Variants in ATP2B3 observed in about 807,000 individuals in gnomAD.
The protein encoded by ATP2B3 is plasma membrane calcium-transporting ATPase 3.
In ATP2B3, 12 loss-of-function variants were observed where a neutral mutation model predicts 70.8. The ratio of observed to expected loss-of-function variants is 0.17; its 90% CI spans 0.11 to 0.27. The LOEUF is 0.27. Ranked by LOEUF, ATP2B3 falls within the 10% of genes least tolerant of loss-of-function variation. ATP2B3 has a pLI of 1.00. For missense variants in ATP2B3, 858 were observed against 1,118.5 expected, an observed-to-expected ratio of 0.77 and a Z score of 3.32; for synonymous variants, 460 against 497.8, an observed-to-expected ratio of 0.92 and a Z score of 1.01.
At chrX:153,544,271 C>T (rs1557007902) in intron 7 of ATP2B3, among the ~76,000 whole-genome samples, 3 of 112,405 alleles carry the variant, frequency 2.7e-5, no homozygotes, top group Non-Finnish European at 5.6e-5. Flanking sequence ...CCTGCCTGGG[C>T]TGCCTCCTCA....
At position 153,545,499 on chromosome X, in the gene ATP2B3, C is replaced by T. The variant is rs191957754; in HGVS notation, c.917-589C>T. ...CAGCCTGGCCAACATGGCGAAACCC[C>T]GTCTCTATTAAAAGTACAAAAATTA... On this transcript the variant is annotated intron_variant, in intron 7 of 21. Coordinates refer to ENST00000263519, the MANE Select transcript of ATP2B3 (RefSeq NM_001001344.3). Among the ~76,000 whole-genome samples the T allele has an allele frequency of 5.2e-3, 582 of 112,897 alleles. 1 individual carries two copies. Among genetic ancestry groups the T allele is most frequent in the African/African-American group, 0.017 (537 of 31,118 alleles).
chrX:153,573,430 C>T (rs782078778), intron 21 of ATP2B3, among the ~76,000 whole-genome samples: 10 of 112,536 alleles, frequency 8.9e-5, no homozygotes, highest in African/African-American at 2.3e-4. Flanking sequence ...TTTCTGGGAA[C>T]GGTGTATTGG....
At position 153,541,979 on chromosome X, in the gene ATP2B3, T is replaced by C. The variant is rs782817436; in HGVS notation, c.664+53T>C. On this transcript the variant is annotated intron_variant, in intron 5 of 21. Transcript: ENST00000263519. ...GTCAAGGAAGCTCGGCTCCTGCTTC[T>C]GGGGAGGGTGAGCCAGAGGAGACCC... The C allele has an allele frequency of 2.0e-4, 229 of 1,168,015 alleles. 1 individual carries two copies. In the South Asian group the frequency reaches 3.1e-3, roughly 16 times the overall value.
intron 3 of ATP2B3, 95 bp downstream of exon 3, chrX:153,536,550 C>A: frequency 1.0e-6 from 1 of 958,637 alleles, no homozygotes; most frequent in South Asian, 2.1e-5. Context: ...TGGCCAGGGT[C>A]AAGGGCCACC....
chrX:153,523,309 A>T (rs1207582177), intron 2 of ATP2B3, among the ~76,000 whole-genome samples: 1 of 112,669 alleles, frequency 8.9e-6, no homozygotes, highest in East Asian at 2.8e-4. Flanking sequence ...CAGTAATTAC[A>T]ATTTTTAATG....
At chrX:153,524,449 C>T (rs782477281) in intron 2 of ATP2B3, among the ~76,000 whole-genome samples, 107 of 111,913 alleles carry the variant, frequency 9.6e-4, no homozygotes, top group Non-Finnish European at 1.7e-3. Context: ...GGGGGTGAGG[C>T]TGTGTCCCAA....
chrX:153,536,676 T>G (rs1187610034), intron 3 of ATP2B3, among the ~76,000 whole-genome samples: 1 of 111,856 alleles, frequency 8.9e-6, no homozygotes, highest in Admixed American at 9.4e-5. Context: ...AGAGCGAGAC[T>G]GGGGAGGGGG....
At chrX:153,566,926 TA>T (rs2124521063) in intron 21 of ATP2B3, among the ~76,000 whole-genome samples, 1 of 112,057 alleles carries the variant, frequency 8.9e-6, no homozygotes, top group South Asian at 3.7e-4. Flanking sequence ...CACGCAGGGC[TA>T]GGTCAAGGGG....
chrX:153,566,274 A>G (rs2090706068), intron 21 of ATP2B3, among the ~76,000 whole-genome samples: 1 of 112,408 alleles, frequency 8.9e-6, no homozygotes, highest in Admixed American at 9.3e-5. Context: ...ACATGGAGCG[A>G]CTGACCCTCC....
chrX:153,541,164 C>T (rs2090273381), intron 3 of ATP2B3, among the ~76,000 whole-genome samples, 195 bp from the exon 4 acceptor site: 1 of 112,630 alleles, frequency 8.9e-6, no homozygotes, highest in African/African-American at 3.2e-5. Flanking sequence ...CGCATGCTCA[C>T]TCCCACGTGC....
chrX:153,548,079 T>C, intron 9 of ATP2B3, 80 bp downstream of exon 9: 1 of 1,107,407 alleles, frequency 9.0e-7, no homozygotes, highest in East Asian at 3.1e-5. Context: ...GAGCCCAGGC[T>C]GTGTAGAGCA....
chrX:153,566,746 G>A (rs1441943552), intron 21 of ATP2B3, among the ~76,000 whole-genome samples: 4 of 110,365 alleles, frequency 3.6e-5, no homozygotes, highest in African/African-American at 9.9e-5. Flanking sequence ...CTGCACCCCC[G>A]GCTGCCTTTC....
intron 3 of ATP2B3, 75 bp from the exon 4 acceptor site, chrX:153,541,284 T>TGGGACACAC (rs2090275358): frequency 8.6e-7 from 1 of 1,159,161 alleles, no homozygotes; most frequent in Non-Finnish European, 1.2e-6. Flanking sequence ...CAGGGCCACA[T>TGGGACACAC]AGGAGGCCTG....
chrX:153,527,462 C>T (rs2090051685), intron 2 of ATP2B3, among the ~76,000 whole-genome samples: 1 of 112,925 alleles, frequency 8.9e-6, no homozygotes, highest in Admixed American at 9.3e-5. Flanking sequence ...CTATGCAGCT[C>T]GCACACCCGC....
Position 153,543,979 on chromosome X carries a change from C to T in ATP2B3, c.916+811C>T, listed in dbSNP as rs979070017. Reference sequence around the variant, plus strand: ...GGGCGTGGGGCGGGCAGTCAGGGCCCGGGGAAAAGGTCAGCCCTGAGCCCA... The same window carrying T: ...GGGCGTGGGGCGGGCAGTCAGGGCCTGGGGAAAAGGTCAGCCCTGAGCCCA... On this transcript the variant is annotated intron_variant, in intron 7 of 21. Coordinates refer to ENST00000263519, the MANE Select transcript of ATP2B3 (RefSeq NM_001001344.3). Among the ~76,000 whole-genome samples the T allele has an allele frequency of 1.2e-4, 13 of 112,779 alleles. No homozygotes were observed. In the South Asian group the frequency reaches 3.3e-3, roughly 28 times the overall value.
chrX:153,547,242 G>T (rs782496339), intron 8 of ATP2B3, among the ~76,000 whole-genome samples: 1 of 110,640 alleles, frequency 9.0e-6, no homozygotes, highest in Non-Finnish European at 1.9e-5. Context: ...GAGCCGGAGT[G>T]GGGGACACAC....
At chrX:153,562,071 T>A in intron 19 of ATP2B3, 64 bp from the exon 20 acceptor site, 1 of 1,057,992 alleles carries the variant, frequency 9.5e-7, no homozygotes, top group Non-Finnish European at 1.3e-6. Context: ...TTCAAGGGGT[T>A]GGAGGACAAG....
chrX:153,565,205 C>T, intron 21 of ATP2B3, 102 bp downstream of exon 21: 2 of 981,682 alleles, frequency 2.0e-6, no homozygotes, highest in Admixed American at 7.5e-5. Flanking sequence ...CCGACACCCA[C>T]AGGGAAACCC....
chrX:153,578,135 G>A (rs951799346), intron 21 of ATP2B3, among the ~76,000 whole-genome samples: 3 of 112,822 alleles, frequency 2.7e-5, no homozygotes, highest in Non-Finnish European at 3.8e-5. Context: ...CTTACAGCAT[G>A]AAACTTAAAC....
Sources: allele counts gnomAD v4.1 joint callset (sites outside exome capture counted in the v4.1 genomes callset), GRCh38; gene constraint gnomAD v4.1.1; transcripts MANE v1.5; gene names NCBI Gene and HGNC (gene_info 2026-07-23, HGNC 2026-07-21).